The following SPATS2L variants were observed in gnomAD, a reference collection of about 807,000 sequenced individuals.
SPATS2L encodes the protein SPATS2-like protein.
In SPATS2L, 30 loss-of-function variants were observed where a neutral mutation model predicts 59.6. That is an observed-to-expected ratio of 0.50 (90% CI 0.38 to 0.68). SPATS2L has a LOEUF of 0.68. Among genes scored for constraint, SPATS2L ranks in the 30% least tolerant of loss-of-function variants. SPATS2L has a pLI of 0.00. For synonymous variants in SPATS2L, 252 were observed against 263.5 expected (o/e 0.96, Z 0.42); for missense variants, 615 against 700.0 (o/e 0.88, Z 1.37).
chr2:200,355,038 A>G (rs2105853754), intron 2 of SPATS2L, among the ~76,000 whole-genome samples: 1 of 152,196 alleles, frequency 6.6e-6, no homozygotes, highest in East Asian at 1.9e-4. Context: ...CCTGACTTAC[A>G]AGAACTTGAC....
chr2:200,358,141 A>G (rs928333734), intron 2 of SPATS2L, among the ~76,000 whole-genome samples: 1 of 152,234 alleles, frequency 6.6e-6, no homozygotes, highest in Non-Finnish European at 1.5e-5. Flanking sequence ...AGAAAGCCAG[A>G]TGGCAGATTA....
rs560871288 is a variant in SPATS2L at position 200,350,691 on chromosome 2, GT to G, written c.-23+21218del. On this transcript the variant is annotated intron_variant, in intron 2 of 12. Transcript: ENST00000409140. Reference sequence around the variant, plus strand: ...GGTGTGTGCCACCACACCCAGCTATGTTTTTTTGTTTGTTTGTTTTTTTAGT... The same window carrying G: ...GGTGTGTGCCACCACACCCAGCTATGTTTTTTGTTTGTTTGTTTTTTTAGT... 2.1e-4 allele frequency among the ~76,000 whole-genome samples: 32 copies of G among 151,888 alleles called. No individual in the cohort carries two copies. The South Asian group carries it at 3.1e-3, about 15-fold the overall frequency.
intron 3 of SPATS2L, among the ~76,000 whole-genome samples, chr2:200,404,874 G>A (rs2082642428): frequency 6.6e-6 from 1 of 152,064 alleles, no homozygotes. Context: ...AACCCGGAGA[G>A]GCTGGCCAAG....
At chr2:200,379,378 T>C (rs2081719248) in intron 2 of SPATS2L, among the ~76,000 whole-genome samples, 1 of 152,212 alleles carries the variant, frequency 6.6e-6, no homozygotes, top group Non-Finnish European at 1.5e-5. Flanking sequence ...TGGAACGTGC[T>C]TAGAGCATTG....
intron 2 of SPATS2L, among the ~76,000 whole-genome samples, chr2:200,361,064 A>C (rs535338994): frequency 4.2e-4 from 55 of 131,868 alleles, no homozygotes; most frequent in Admixed American, 1.3e-3. Flanking sequence ...GCTCCACCCC[A>C]CTATTCCCCA....
intron 2 of SPATS2L, among the ~76,000 whole-genome samples, chr2:200,384,785 A>G (rs2081939834): frequency 6.6e-6 from 1 of 152,212 alleles, no homozygotes; most frequent in African/African-American, 2.4e-5. Context: ...TCTTTAGGAC[A>G]TATGTAAAAA....
intron 2 of SPATS2L, among the ~76,000 whole-genome samples, chr2:200,378,989 C>G (rs1290330133): frequency 6.6e-6 from 1 of 152,228 alleles, no homozygotes; most frequent in Non-Finnish European, 1.5e-5. Context: ...GCGCCTGACT[C>G]TCTGGGATGG....
chr2:200,426,775 C>A (rs1282738504), intron 6 of SPATS2L, among the ~76,000 whole-genome samples: 1 of 152,184 alleles, frequency 6.6e-6, no homozygotes, highest in Non-Finnish European at 1.5e-5. Flanking sequence ...TTACTATTCT[C>A]ATTCATCTTT....
chr2:200,313,100 T>A (rs2079247371), intron 1 of SPATS2L, among the ~76,000 whole-genome samples: 1 of 152,212 alleles, frequency 6.6e-6, no homozygotes, highest in African/African-American at 2.4e-5. Context: ...CAGGCCCTGC[T>A]TTTTCTTATA....
chr2:200,400,854 A>G (rs2082503023), intron 3 of SPATS2L, among the ~76,000 whole-genome samples: 2 of 152,224 alleles, frequency 1.3e-5, no homozygotes, highest in Non-Finnish European at 2.9e-5. Flanking sequence ...GACAAAGTAT[A>G]GACGAAGAAT....
chr2:200,378,258 G>A (rs1574319490), intron 2 of SPATS2L: 3 of 1,002,578 alleles, frequency 3.0e-6, no homozygotes, highest in Middle Eastern at 5.6e-4. Flanking sequence ...CACAGTAAAA[G>A]CAAGTTGATA....
intron 2 of SPATS2L, among the ~76,000 whole-genome samples, chr2:200,373,672 C>T (rs542132066): frequency 1.3e-5 from 2 of 152,234 alleles, no homozygotes; most frequent in South Asian, 2.1e-4. Context: ...CAAAAGGAAT[C>T]TTAAATATAA....
intron 1 of SPATS2L, among the ~76,000 whole-genome samples, chr2:200,312,622 A>G (rs551263878): frequency 6.6e-6 from 1 of 152,348 alleles, no homozygotes; most frequent in South Asian, 2.1e-4. Flanking sequence ...TATGAAGTAC[A>G]TGCTCCTATT....
chr2:200,403,828 A>G (rs73986865), intron 3 of SPATS2L, among the ~76,000 whole-genome samples: 3,899 of 152,284 alleles, frequency 0.026, 165 homozygotes, highest in African/African-American at 0.089. Context: ...TCAGCATTCC[A>G]TCATTCATCA....
At chr2:200,306,386 G>A (rs1446820441), upstream of SPATS2L, 1 of 1,002,320 alleles carries the variant, frequency 1.0e-6, no homozygotes, top group East Asian at 1.1e-4. Flanking sequence ...TTTGGGGAAA[G>A]GCGAGGAAGT....
chr2:200,366,225 A>C (rs2081264338), intron 2 of SPATS2L, among the ~76,000 whole-genome samples: 1 of 152,176 alleles, frequency 6.6e-6, no homozygotes, highest in African/African-American at 2.4e-5. Flanking sequence ...CTACTTGAAC[A>C]TGGATTAATT....
chr2:200,310,486 G>C (rs910476004), intron 1 of SPATS2L, among the ~76,000 whole-genome samples: 1 of 152,122 alleles, frequency 6.6e-6, no homozygotes. Context: ...CTACATCTTG[G>C]TCTCTCTGTA....
intron 1 of SPATS2L, among the ~76,000 whole-genome samples, chr2:200,315,283 G>C (rs976535477): frequency 2.0e-5 from 3 of 152,222 alleles, no homozygotes; most frequent in Non-Finnish European, 2.9e-5. Flanking sequence ...GGAGTTACAT[G>C]TACAATGGGC....
chr2:200,345,680 G>A (rs2080488910), intron 2 of SPATS2L, among the ~76,000 whole-genome samples: 1 of 152,180 alleles, frequency 6.6e-6, no homozygotes, highest in Non-Finnish European at 1.5e-5. Flanking sequence ...TGATGATCAT[G>A]TATTATTAAG....
Sources: gnomAD v4.1 joint callset for allele counts (sites outside exome capture counted in the v4.1 genomes callset) on GRCh38, gnomAD v4.1.1 for gene constraint, MANE v1.5 for transcripts, NCBI Gene and HGNC (gene_info 2026-07-23, HGNC 2026-07-21) for gene names.